TBC1D32: variants seen among roughly 807,000 people sequenced by gnomAD.
TBC1D32 encodes protein broad-minded.
A neutral mutation model predicts 170.3 loss-of-function variants in TBC1D32; 151 were observed. The ratio of observed to expected loss-of-function variants is 0.89; its 90% CI spans 0.78 to 1.01. TBC1D32 has a LOEUF of 1.01. TBC1D32 is among the 50% of genes least tolerant of loss of function. The pLI is 0.00. For synonymous variants in TBC1D32, 498 were observed against 488.0 expected (o/e 1.02, Z -0.27); for missense variants, 1,464 against 1,457.1 (o/e 1.00, Z -0.08).
intron 10 of TBC1D32, among the ~76,000 whole-genome samples, 169 bp from the exon 11 acceptor site, chr6:121,294,829 T>C (rs1805377436): frequency 6.6e-6 from 1 of 152,202 alleles, no homozygotes; most frequent in Non-Finnish European, 1.5e-5. Flanking sequence ...ACATTTTAAC[T>C]ATGGCATCAC....
intron 26 of TBC1D32, among the ~76,000 whole-genome samples, chr6:121,119,518 A>C (rs982669123): frequency 1.3e-5 from 2 of 152,146 alleles, no homozygotes; most frequent in African/African-American, 4.8e-5. Flanking sequence ...CATTTTGATT[A>C]ACTAGCATTA....
rs545070419 is a variant in TBC1D32 at position 121,254,450 on chromosome 6, A to G, written c.2018+878T>C. 9.8e-4 allele frequency among the ~76,000 whole-genome samples: 150 copies of G among 152,310 alleles called. 1 individual carries two copies. Among genetic ancestry groups the G allele is most frequent in the Middle Eastern group, 3.4e-3 (1 of 294 alleles). On this transcript the variant is annotated intron_variant, in intron 17 of 31. Transcript: ENST00000398212. ...ATTAATTATTAAAAAATGAGATCTA[A>G]AAATTACCTCAAAAATAAACTATAG... is the stretch of plus-strand genomic sequence containing the variant.
At chr6:121,260,826 G>A (rs1235236806) in intron 15 of TBC1D32, among the ~76,000 whole-genome samples, 4 of 152,114 alleles carry the variant, frequency 2.6e-5, no homozygotes, top group East Asian at 1.9e-4. Context: ...ATCTGAGCTC[G>A]CTGGGGGAGA....
At chr6:121,250,670 C>T (rs1348604509) in intron 17 of TBC1D32, among the ~76,000 whole-genome samples, 1 of 152,108 alleles carries the variant, frequency 6.6e-6, no homozygotes, top group Non-Finnish European at 1.5e-5. Context: ...CCTCTCAAAA[C>T]TGGCACAAGA....
At chr6:121,173,722 G>A (rs147295442) in intron 22 of TBC1D32, among the ~76,000 whole-genome samples, 1 of 151,944 alleles carries the variant, frequency 6.6e-6, no homozygotes, top group South Asian at 2.1e-4. Context: ...GGGTACCAGG[G>A]GAGGGGAGAG....
intron 26 of TBC1D32, among the ~76,000 whole-genome samples, chr6:121,119,848 T>C (rs1243937315): frequency 1.3e-5 from 2 of 152,110 alleles, no homozygotes; most frequent in East Asian, 3.9e-4. Context: ...TGTGTAATTC[T>C]AATTTCAACT....
intron 24 of TBC1D32, among the ~76,000 whole-genome samples, chr6:121,147,782 C>T (rs1783656927): frequency 6.6e-6 from 1 of 151,960 alleles, no homozygotes; most frequent in South Asian, 2.1e-4. Flanking sequence ...TTAGTAGAGA[C>T]AGGGTTTAAC....
chr6:121,229,632 G>C (rs1313977187), intron 20 of TBC1D32, among the ~76,000 whole-genome samples: 1 of 152,058 alleles, frequency 6.6e-6, no homozygotes, highest in Non-Finnish European at 1.5e-5. Flanking sequence ...TGATGTTAAG[G>C]TGACTCAATT....
At chr6:121,142,733 G>T (rs1348892938) in intron 24 of TBC1D32, among the ~76,000 whole-genome samples, 4 of 152,144 alleles carry the variant, frequency 2.6e-5, no homozygotes, top group African/African-American at 9.7e-5. Context: ...CTCTGAGAAA[G>T]AAGTCCTCAT....
At chr6:121,248,516 A>T (rs983358089) in intron 17 of TBC1D32, among the ~76,000 whole-genome samples, 1 of 152,024 alleles carries the variant, frequency 6.6e-6, no homozygotes, top group African/African-American at 2.4e-5. Flanking sequence ...AAGATAAATG[A>T]AGGAAAAAGC....
intron 10 of TBC1D32, among the ~76,000 whole-genome samples, chr6:121,299,022 T>C (rs964448511): frequency 6.6e-6 from 1 of 152,274 alleles, no homozygotes; most frequent in East Asian, 1.9e-4. Flanking sequence ...ACATTTGGTA[T>C]AACTCAAACC....
intron 21 of TBC1D32, among the ~76,000 whole-genome samples, chr6:121,218,842 A>AT (rs1231194295): frequency 1.3e-5 from 2 of 151,846 alleles, no homozygotes; most frequent in Non-Finnish European, 2.9e-5. Flanking sequence ...TTTATAAGGG[A>AT]TTTTTCCCCC....
intron 26 of TBC1D32, among the ~76,000 whole-genome samples, chr6:121,119,185 A>G (rs1780008099): frequency 6.6e-6 from 1 of 152,190 alleles, no homozygotes; most frequent in Admixed American, 6.5e-5. Context: ...GCATATTAAA[A>G]AGCACATTGC....
intron 20 of TBC1D32, among the ~76,000 whole-genome samples, chr6:121,236,190 G>T: frequency 6.7e-6 from 1 of 148,422 alleles, no homozygotes; most frequent in African/African-American, 2.5e-5. Context: ...CTAATTTTTA[G>T]TGCTTTCCTA....
At chr6:121,205,200 G>C (rs886084872) in intron 21 of TBC1D32, 37 bp from the exon 22 acceptor site, 1 of 1,028,970 alleles carries the variant, frequency 9.7e-7, no homozygotes, top group Non-Finnish European at 1.4e-6. Context: ...GTATTTAACT[G>C]ATATCATTTA....
Position 121,255,380 on chromosome 6 carries a change from G to T in TBC1D32, c.1966C>A (p.Pro656Thr), listed in dbSNP as rs1057016517. ...TSLLSERIPT[P>T]VEGSDSVSSV... The stretch of plus-strand genomic sequence containing the variant: ...GAAACAGAATCAGAACCCTCTACTG[G>T]AGTAGGAATTCTTTCTGATAGCAAA... The change falls in exon 17 of 32, where the codon CCA becomes ACA. Residue 656 changes from proline (P) to threonine (T), a missense_variant. Around this residue, in one of 3 missense-constraint regions of TBC1D32, gnomAD observed 1,363 missense variants for 1,338.1 expected, o/e 1.02. Coordinates refer to ENST00000398212, the MANE Select transcript of TBC1D32 (RefSeq NM_152730.6). 6.6e-7 allele frequency: 1 copy of T among 1,516,800 alleles called. No homozygotes were observed. The highest frequency in any genetic ancestry group is 1.3e-5 in the South Asian group (1 of 75,788). 94.0% of individuals were successfully genotyped at this position (1,516,800 alleles called of 1,614,324 possible). A position where few individuals can be genotyped will look rare whatever the true frequency, so the allele number is the denominator to read the frequency against.
intron 30 of TBC1D32, among the ~76,000 whole-genome samples, chr6:121,092,036 T>C (rs193072684): frequency 6.6e-6 from 1 of 152,268 alleles, no homozygotes; most frequent in Non-Finnish European, 1.5e-5. Context: ...GAGAGGTAAG[T>C]AACAGTTCTT....
intron 4 of TBC1D32, among the ~76,000 whole-genome samples, chr6:121,309,387 G>C (rs1374351007): frequency 2.0e-5 from 3 of 152,022 alleles, no homozygotes; most frequent in Non-Finnish European, 2.9e-5. Flanking sequence ...ATTTTTGAAA[G>C]ATGTTATTAT....
At chr6:121,193,152 T>G (rs1381621073) in intron 22 of TBC1D32, among the ~76,000 whole-genome samples, 1 of 152,182 alleles carries the variant, frequency 6.6e-6, no homozygotes, top group Non-Finnish European at 1.5e-5. Context: ...TAGAATTGGA[T>G]CAGGCTGAAT....
Sources: allele counts gnomAD v4.1 joint callset (sites outside exome capture counted in the v4.1 genomes callset), GRCh38; gene constraint gnomAD v4.1.1; regional missense constraint gnomAD v4.1.1; transcripts MANE v1.5; gene names NCBI Gene and HGNC (gene_info 2026-07-23, HGNC 2026-07-21).